Variants in RIN2 observed in about 807,000 individuals in gnomAD.
The protein encoded by RIN2 is RAB5 interacting protein 2.
A neutral mutation model predicts 78.0 loss-of-function variants in RIN2; 36 were observed. The observed-to-expected ratio is 0.46, with a 90% CI of 0.35 to 0.61. The LOEUF is 0.61. RIN2 is among the 20% of genes least tolerant of loss of function. The pLI is 0.00. For synonymous variants in RIN2, 466 were observed against 466.8 expected, an observed-to-expected ratio of 1.00 and a Z score of 0.02; for missense variants, 1,087 against 1,159.7, an observed-to-expected ratio of 0.94 and a Z score of 0.91.
intron 2 of RIN2, among the ~76,000 whole-genome samples, chr20:19,866,330 C>T (rs574818519): frequency 6.6e-6 from 1 of 152,264 alleles, no homozygotes; most frequent in African/African-American, 2.4e-5. Context: ...ACTCACTGCT[C>T]ACCTCCTGCT....
intron 3 of RIN2, chr20:19,895,685 C>G (rs1036051161): frequency 6.6e-6 from 1 of 152,210 alleles, no homozygotes; most frequent in African/African-American, 2.4e-5. Context: ...CCTCTTTGGT[C>G]ATGTCTCACA....
At chr20:19,853,086 T>C (rs1213298013) in intron 2 of RIN2, among the ~76,000 whole-genome samples, 3 of 138,640 alleles carry the variant, frequency 2.2e-5, no homozygotes, top group Non-Finnish European at 4.6e-5. Context: ...CCTGTGTCCA[T>C]GTGTTCTCAT....
At chr20:19,850,731 G>A (rs147879158) in intron 2 of RIN2, among the ~76,000 whole-genome samples, 46 of 152,300 alleles carry the variant, frequency 3.0e-4, no homozygotes, top group Admixed American at 2.6e-4. Context: ...TTGGAAGGCC[G>A]AGGCTGGTGG....
chr20:19,886,528 T>A, intron 2 of RIN2: 2 of 579,802 alleles, frequency 3.4e-6, no homozygotes, highest in East Asian at 2.8e-5. Flanking sequence ...ATTCTTTCAG[T>A]GGTGTTGTTG....
chr20:19,883,336 A>AT, intron 2 of RIN2, among the ~76,000 whole-genome samples: 1 of 120,024 alleles, frequency 8.3e-6, no homozygotes, highest in African/African-American at 3.2e-5. Flanking sequence ...GAAAGAGAGG[A>AT]CTTTTTTTTT....
intron 11 of RIN2, among the ~76,000 whole-genome samples, chr20:19,996,371 G>A (rs1306779782): frequency 6.6e-6 from 1 of 151,936 alleles, no homozygotes; most frequent in Non-Finnish European, 1.5e-5. Context: ...GGCTTGGTCA[G>A]TCTCACGCAC....
chr20:19,906,706 G>A (rs1285920352), intron 3 of RIN2, among the ~76,000 whole-genome samples: 1 of 152,142 alleles, frequency 6.6e-6, no homozygotes, highest in East Asian at 1.9e-4. Context: ...CAAGAAGCTG[G>A]AAACCTGAAT....
chr20:19,926,353 C>G (rs539251349), intron 3 of RIN2, among the ~76,000 whole-genome samples: 2 of 152,024 alleles, frequency 1.3e-5, no homozygotes, highest in Admixed American at 1.3e-4. Context: ...AGAAAAGAAG[C>G]AATGTTCTCC....
chr20:19,866,536 A>T (rs565959096), intron 2 of RIN2, among the ~76,000 whole-genome samples: 2 of 152,220 alleles, frequency 1.3e-5, no homozygotes, highest in Non-Finnish European at 2.9e-5. Flanking sequence ...CACAAAACAC[A>T]TAGCCATATA....
At chr20:19,852,089 A>T (rs1237855146) in intron 2 of RIN2, among the ~76,000 whole-genome samples, 8 of 152,174 alleles carry the variant, frequency 5.3e-5, no homozygotes, top group Non-Finnish European at 1.2e-4. Flanking sequence ...CCGACCACAG[A>T]AACACTTTTT....
chr20:19,869,705 G>A (rs2037624080), intron 2 of RIN2, among the ~76,000 whole-genome samples: 1 of 151,530 alleles, frequency 6.6e-6, no homozygotes, highest in Non-Finnish European at 1.5e-5. Flanking sequence ...AGCTACTGCA[G>A]CCTCGAACTC....
intron 4 of RIN2, among the ~76,000 whole-genome samples, chr20:19,936,362 T>C (rs1049156249): frequency 1.3e-5 from 2 of 152,346 alleles, no homozygotes; most frequent in Admixed American, 6.5e-5. Context: ...AGGTAGTGAC[T>C]CTCTGCCTCA....
intron 2 of RIN2, among the ~76,000 whole-genome samples, chr20:19,840,316 C>T (rs2036543232): frequency 2.6e-5 from 4 of 152,182 alleles, no homozygotes; most frequent in Non-Finnish European, 5.9e-5. Flanking sequence ...AAGACAGTGG[C>T]CACGCTCAGC....
intron 2 of RIN2, among the ~76,000 whole-genome samples, chr20:19,848,534 CAAAAAA>C (rs11352724): frequency 0.017 from 887 of 52,860 alleles, 10 homozygotes; most frequent in African/African-American, 0.047. Flanking sequence ...GACTCCATCT[CAAAAAA>C]AAAAAAAAAA....
At chr20:19,801,648 T>C (rs1467908056) in intron 2 of RIN2, among the ~76,000 whole-genome samples, 1 of 152,214 alleles carries the variant, frequency 6.6e-6, no homozygotes, top group African/African-American at 2.4e-5. Context: ...GATCAATGTC[T>C]CTATCCCTAG....
intron 2 of RIN2, among the ~76,000 whole-genome samples, chr20:19,888,837 G>C (rs561408409): frequency 6.6e-6 from 1 of 152,328 alleles, no homozygotes; most frequent in African/African-American, 2.4e-5. Context: ...GTGACCCAAA[G>C]GGAAGAATTA....
intron 1 of RIN2, among the ~76,000 whole-genome samples, chr20:19,787,381 C>G (rs537296162): frequency 2.1e-5 from 3 of 146,026 alleles, no homozygotes; most frequent in African/African-American, 7.7e-5. Flanking sequence ...TGAGATCGCA[C>G]CAGTGCACTC....
At position 19,825,031 on chromosome 20, in the gene RIN2, A is replaced by G. The variant is rs143414963; in HGVS notation, c.-37+25284A>G. ...CTGGCACCAAAGCATAACAGTCAGC[A>G]TGGCCCGCCTTGTCACCAGTGGGAT... On this transcript the variant is annotated intron_variant, in intron 2 of 12. Transcript: ENST00000255006. Among the ~76,000 whole-genome samples, 21 of 152,322 alleles carry G rather than the reference A, an allele frequency of 1.4e-4. No homozygotes were observed. The South Asian group carries it at 3.9e-3, about 29-fold the overall frequency.
intron 2 of RIN2, among the ~76,000 whole-genome samples, chr20:19,842,387 CTTT>C (rs139642869): frequency 4.3e-5 from 2 of 46,204 alleles, no homozygotes; most frequent in African/African-American, 7.2e-5. Flanking sequence ...CCATCCCTGG[CTTT>C]TTTTTTTTTT....
Sources: allele counts gnomAD v4.1 joint callset (sites outside exome capture counted in the v4.1 genomes callset), GRCh38; gene constraint gnomAD v4.1.1; transcripts MANE v1.5; gene names NCBI Gene and HGNC (gene_info 2026-07-23, HGNC 2026-07-21).